Variants in KLHDC4 observed in about 807,000 individuals in gnomAD.
KLHDC4 encodes the protein kelch domain-containing protein 4.
KLHDC4 carries 90 observed loss-of-function variants against 62.4 expected under a neutral mutation model. The observed-to-expected ratio is 1.44, with a 90% CI of 1.22 to 1.72. The LOEUF (loss-of-function observed/expected upper bound fraction) is 1.72, where lower values mean the gene tolerates loss of function less well. Ranked by LOEUF, KLHDC4 falls within the 40% of genes most tolerant of loss-of-function variation. The pLI is 0.00. For missense variants in KLHDC4, 1,025 were observed against 699.7 expected (o/e 1.47, Z -5.25); for synonymous variants, 386 against 284.4 (o/e 1.36, Z -3.59).
Position 87,755,230 on chromosome 16 carries a change from G to A in KLHDC4, c.333C>T (p.Asp111=), listed in dbSNP as rs17699859. ...AGCGCCTCGGAGGTGGACTGGGGAT[G>A]TCAACTTTGGTCCAGGTGTCCTTTC... ...NTRKDTWTKV[D]IPSPPPRRCA... is the part of the protein sequence containing the mutation. The change falls in exon 4 of 12, where the codon GAC becomes GAT. Residue 111 remains aspartate, a synonymous_variant. Transcript: ENST00000270583. 0.098 allele frequency: 156,941 copies of A among 1,600,896 alleles called. 8,843 individuals carry two copies. The highest frequency in any genetic ancestry group is 0.1 in the Non-Finnish European group (121,558 of 1,168,160).
At chr16:87,699,199 C>G (rs1162245786) in exon 1 of KLHDC4, 1 of 152,270 alleles carries the variant, frequency 6.6e-6, no homozygotes, top group African/African-American at 2.4e-5. Context: ...GTTTTACTTA[C>G]CAGCCTCTGC....
At chr16:87,748,373 G>A (rs2043360357) in intron 5 of KLHDC4, among the ~76,000 whole-genome samples, 1 of 152,206 alleles carries the variant, frequency 6.6e-6, no homozygotes, top group Admixed American at 6.5e-5. Flanking sequence ...CTCCAATGAT[G>A]TAAACAGAAG....
chr16:87,738,320 G>C (rs961754597), intron 5 of KLHDC4, among the ~76,000 whole-genome samples: 4 of 151,958 alleles, frequency 2.6e-5, no homozygotes, highest in Admixed American at 6.6e-5. Context: ...CTCACATCAG[G>C]AGAAAACAGT....
intron 5 of KLHDC4, among the ~76,000 whole-genome samples, chr16:87,732,460 T>G (rs2143005426): frequency 6.6e-6 from 1 of 152,322 alleles, no homozygotes; most frequent in Admixed American, 6.5e-5. Flanking sequence ...TTATTGAATT[T>G]TATTGTAATT....
intron 1 of KLHDC4, among the ~76,000 whole-genome samples, chr16:87,764,092 C>T (rs981425550): frequency 6.6e-6 from 1 of 152,152 alleles, no homozygotes; most frequent in African/African-American, 2.4e-5. Context: ...CAATCCTTCC[C>T]CCAATAATTG....
chr16:87,751,335 G>A (rs183485919), intron 4 of KLHDC4, among the ~76,000 whole-genome samples: 8 of 152,112 alleles, frequency 5.3e-5, no homozygotes, highest in African/African-American at 1.4e-4. Context: ...TTAGCCAGAC[G>A]TGGTGGCATG....
intron 8 of KLHDC4, among the ~76,000 whole-genome samples, chr16:87,713,364 G>A (rs2036273476): frequency 6.6e-6 from 1 of 151,508 alleles, no homozygotes; most frequent in Non-Finnish European, 1.5e-5. Flanking sequence ...AGCACACCTG[G>A]CTACGTTTTT....
chr16:87,731,539 G>C (rs565995198), intron 5 of KLHDC4, among the ~76,000 whole-genome samples: 1 of 152,026 alleles, frequency 6.6e-6, no homozygotes, highest in South Asian at 2.1e-4. Context: ...CATATGCCAA[G>C]TCCACAGTGA....
chr16:87,702,005 G>A, exon 1 of KLHDC4: 1 of 456,284 alleles, frequency 2.2e-6, no homozygotes, highest in Non-Finnish European at 4.4e-6. Context: ...CAGCCCAGCA[G>A]CCAGGCAGCT....
downstream of KLHDC4, among the ~76,000 whole-genome samples, chr16:87,705,256 G>A (rs539921216): frequency 1.3e-5 from 2 of 152,246 alleles, no homozygotes; most frequent in Non-Finnish European, 2.9e-5. Flanking sequence ...GTGGCTATCT[G>A]GCCACCAAGT....
At chr16:87,752,677 T>C (rs573881212) in intron 4 of KLHDC4, among the ~76,000 whole-genome samples, 79 of 152,142 alleles carry the variant, frequency 5.2e-4, no homozygotes, top group Non-Finnish European at 1.0e-3. Flanking sequence ...TTAGTTACAA[T>C]CCCAGGCTTG....
intron 1 of KLHDC4, among the ~76,000 whole-genome samples, chr16:87,764,847 AAAAG>A (rs1377136123): frequency 6.9e-4 from 101 of 145,982 alleles, no homozygotes; most frequent in African/African-American, 2.6e-3. Context: ...AAAAAAAAAA[AAAAG>A]AAAGAGCCTA....
chr16:87,732,580 T>A, intron 5 of KLHDC4, among the ~76,000 whole-genome samples: 1 of 152,194 alleles, frequency 6.6e-6, no homozygotes, highest in Non-Finnish European at 1.5e-5. Flanking sequence ...AAATAACACA[T>A]AAATAACTAC....
chr16:87,761,963 G>A lies in KLHDC4; in HGVS notation c.177C>T (p.Pro59=). 1 of 1,613,816 alleles carries A rather than the reference G, an allele frequency of 6.2e-7. No individual in the cohort carries two copies. Among genetic ancestry groups the A allele is most frequent in the Non-Finnish European group, 8.5e-7 (1 of 1,179,898 alleles). ...KRTQTVELPC[P]PPSPRLNASL... ...TACTTGCTCACCTTGGTGAGGGTGG[G>A]GGGCACGGAAGTTCCACAGTCTGAG... Residue 59 remains proline, a synonymous_variant, in exon 2 of 12, where the codon CCC becomes CCT. Transcript: ENST00000270583.
intron 5 of KLHDC4, among the ~76,000 whole-genome samples, chr16:87,738,691 TCCACACACCAGCACCTCATCCAC>T (rs2041780248): frequency 1.4e-5 from 1 of 71,028 alleles, no homozygotes; most frequent in Non-Finnish European, 2.8e-5. Context: ...ACCTCATCCA[TCCACACACCAGCACCTCATCCAC>T]CCACACACCA....
At chr16:87,735,040 C>CG (rs1366822681) in intron 5 of KLHDC4, among the ~76,000 whole-genome samples, 3 of 138,188 alleles carry the variant, frequency 2.2e-5, no homozygotes, top group Admixed American at 7.5e-5. Context: ...GCCCCCTCCC[C>CG]CCCAGACGAA....
At chr16:87,705,152 T>C (rs1054024807), downstream of KLHDC4, among the ~76,000 whole-genome samples, 1 of 152,220 alleles carries the variant, frequency 6.6e-6, no homozygotes, top group Non-Finnish European at 1.5e-5. Flanking sequence ...GGCAAGAACG[T>C]GGCACCGAGT....
At chr16:87,707,543 C>T (rs930198096), downstream of KLHDC4, among the ~76,000 whole-genome samples, 2 of 152,216 alleles carry the variant, frequency 1.3e-5, no homozygotes, top group African/African-American at 4.8e-5. Flanking sequence ...GTCTGCTTTT[C>T]AGTTTCAGGC....
At chr16:87,748,647 G>C (rs764956520) in intron 5 of KLHDC4, 26 bp downstream of exon 5, 1 of 1,613,412 alleles carries the variant, frequency 6.2e-7, no homozygotes. Context: ...CATGCCCGGA[G>C]CTCAGCTTCT....
Sources: allele counts gnomAD v4.1 joint callset (sites outside exome capture counted in the v4.1 genomes callset), GRCh38; gene constraint gnomAD v4.1.1; transcripts MANE v1.5; gene names NCBI Gene and HGNC (gene_info 2026-07-23, HGNC 2026-07-21).